The following CADPS2 variants were observed in gnomAD, a reference collection of about 807,000 sequenced individuals.
CADPS2 encodes the protein calcium-dependent secretion activator 2.
In CADPS2, 93 loss-of-function variants were observed where a neutral mutation model predicts 172.5. The ratio of observed to expected loss-of-function variants is 0.54; its 90% CI spans 0.46 to 0.64. The LOEUF is 0.64. CADPS2 is among the 30% of genes least tolerant of loss of function. The pLI, the probability that CADPS2 is intolerant of heterozygous loss-of-function variation, is 0.00. For missense variants in CADPS2, 1,420 were observed against 1,565.9 expected, an observed-to-expected ratio of 0.91 and a Z score of 1.57; for synonymous variants, 546 against 555.2, an observed-to-expected ratio of 0.98 and a Z score of 0.23.
chr7:122,886,425 G>T lies in CADPS2; in HGVS notation c.-88C>A. 7.1e-7 allele frequency: 1 copy of T among 1,408,260 alleles called. No homozygotes were observed. Among genetic ancestry groups the T allele is most frequent in the Non-Finnish European group, 9.1e-7 (1 of 1,093,744 alleles). 87.2% of individuals were successfully genotyped at this position (1,408,260 alleles called of 1,614,324 possible). On this transcript the variant is annotated 5_prime_UTR_variant, in exon 1 of 30. Transcript: ENST00000449022. ...GCCCGCGGGTCTGAGGGAGCCGCGG[G>T]GCTGGCTGCAGCGGCCGCAGAACGA...
At chr7:122,640,512 G>GAA (rs1287034651) in intron 3 of CADPS2, among the ~76,000 whole-genome samples, 4 of 149,256 alleles carry the variant, frequency 2.7e-5, no homozygotes, top group South Asian at 2.1e-4. Context: ...GAGAGAGAGA[G>GAA]AAAAAAAAAG....
rs1268611909 is a variant in CADPS2 at position 122,709,822 on chromosome 7, C to T, written c.453+27133G>A. 4.6e-5 allele frequency among the ~76,000 whole-genome samples: 7 copies of T among 151,940 alleles called. 1 individual carries two copies. In the South Asian group the frequency reaches 1.0e-3, roughly 23 times the overall value. ...TATCGCAAGGACAAAAAACCAAACA[C>T]CACATGTTCTCACTCATAGATGGGA... On this transcript the variant is annotated intron_variant, in intron 2 of 29. Transcript: ENST00000449022.
chr7:122,699,692 A>C (rs2085717842), intron 2 of CADPS2, among the ~76,000 whole-genome samples: 1 of 152,166 alleles, frequency 6.6e-6, no homozygotes, highest in African/African-American at 2.4e-5. Context: ...TCTGTCTTAC[A>C]TTGACTGTAC....
At chr7:122,374,991 C>T (rs2042182955) in intron 25 of CADPS2, among the ~76,000 whole-genome samples, 1 of 151,912 alleles carries the variant, frequency 6.6e-6, no homozygotes, top group African/African-American at 2.4e-5. Context: ...TATACTTAAC[C>T]AAGAAGGCAA....
chr7:122,594,073 T>G (rs2071347174), intron 6 of CADPS2, among the ~76,000 whole-genome samples: 1 of 152,062 alleles, frequency 6.6e-6, no homozygotes, highest in African/African-American at 2.4e-5. Context: ...TTTGGGAGGA[T>G]CTTTTAAAAA....
chr7:122,450,224 T>C (rs1352276638), intron 15 of CADPS2, among the ~76,000 whole-genome samples: 1 of 152,144 alleles, frequency 6.6e-6, no homozygotes, highest in Admixed American at 6.5e-5. Context: ...AAGAGCATAT[T>C]CACTACGTTT....
chr7:122,527,617 A>AGAGAGAGAGAGAGAGAGT, intron 8 of CADPS2, among the ~76,000 whole-genome samples: 7 of 83,882 alleles, frequency 8.3e-5, no homozygotes, highest in South Asian at 4.4e-4. Context: ...AGAGAGAGAG[A>AGAGAGAGAGAGAGAGAGT]GTGTGTGTGT....
intron 2 of CADPS2, among the ~76,000 whole-genome samples, chr7:122,717,735 T>C (rs2089816880): frequency 6.6e-6 from 1 of 152,120 alleles, no homozygotes; most frequent in African/African-American, 2.4e-5. Context: ...ATTTTCCCTG[T>C]GTAGTAAAAT....
At chr7:122,484,358 A>T (rs2057592915) in intron 11 of CADPS2, among the ~76,000 whole-genome samples, 4 of 152,154 alleles carry the variant, frequency 2.6e-5, no homozygotes, top group Admixed American at 2.0e-4. Context: ...ATAAACTCAT[A>T]TGTAGTTAAT....
chr7:122,530,499 T>C (rs2061667263), intron 8 of CADPS2, among the ~76,000 whole-genome samples: 1 of 152,150 alleles, frequency 6.6e-6, no homozygotes, highest in Non-Finnish European at 1.5e-5. Context: ...CACCATCATT[T>C]TCCTTATAAC....
At chr7:122,815,883 A>T (rs917631265) in intron 1 of CADPS2, among the ~76,000 whole-genome samples, 1 of 152,204 alleles carries the variant, frequency 6.6e-6, no homozygotes, top group African/African-American at 2.4e-5. Context: ...AAAAAAATTA[A>T]AAGTTTTATT....
intron 1 of CADPS2, among the ~76,000 whole-genome samples, chr7:122,756,198 G>A (rs2093153241): frequency 6.6e-6 from 1 of 151,746 alleles, no homozygotes; most frequent in South Asian, 2.1e-4. Context: ...ACACCACAAT[G>A]AACTAAAATT....
intron 4 of CADPS2, among the ~76,000 whole-genome samples, chr7:122,627,240 C>T (rs868372565): frequency 2.6e-5 from 4 of 152,162 alleles, no homozygotes; most frequent in African/African-American, 4.8e-5. Flanking sequence ...ATATCATCTG[C>T]CCTTACAAGG....
At chr7:122,618,880 C>A (rs928310886) in intron 5 of CADPS2, among the ~76,000 whole-genome samples, 3 of 152,132 alleles carry the variant, frequency 2.0e-5, no homozygotes, top group Admixed American at 1.3e-4. Flanking sequence ...ACACATAACT[C>A]CTGCTTAAAA....
At chr7:122,353,961 AG>A (rs1315732245) in intron 27 of CADPS2, among the ~76,000 whole-genome samples, 5 of 151,916 alleles carry the variant, frequency 3.3e-5, no homozygotes, top group Admixed American at 2.0e-4. Context: ...CTTATCTCTT[AG>A]ATTTTTTTTC....
chr7:122,426,928 A>G (rs1307985925), intron 17 of CADPS2, among the ~76,000 whole-genome samples: 1 of 152,244 alleles, frequency 6.6e-6, no homozygotes, highest in African/African-American at 2.4e-5. Flanking sequence ...CACACTGTCA[A>G]GTGAGCTGAG....
intron 1 of CADPS2, among the ~76,000 whole-genome samples, chr7:122,753,772 C>T (rs147708433): frequency 9.2e-5 from 14 of 152,258 alleles, no homozygotes; most frequent in Admixed American, 3.9e-4. Flanking sequence ...TATAAACACA[C>T]GAACGCTTGC....
chr7:122,323,183 T>C (rs985861852), intron 29 of CADPS2, among the ~76,000 whole-genome samples: 5 of 152,182 alleles, frequency 3.3e-5, no homozygotes, highest in African/African-American at 1.2e-4. Flanking sequence ...TTGAGTTTTA[T>C]TGTGAAAATA....
intron 27 of CADPS2, among the ~76,000 whole-genome samples, chr7:122,347,672 C>T (rs2037897375): frequency 6.6e-6 from 1 of 152,144 alleles, no homozygotes; most frequent in Non-Finnish European, 1.5e-5. Context: ...TTCAATAATT[C>T]TCATGAGCAA....
Sources: allele counts gnomAD v4.1 joint callset (sites outside exome capture counted in the v4.1 genomes callset), GRCh38; gene constraint gnomAD v4.1.1; transcripts MANE v1.5; gene names NCBI Gene and HGNC (gene_info 2026-07-23, HGNC 2026-07-21).